Variants in PARD3B observed in about 807,000 individuals in gnomAD.
The protein encoded by PARD3B is partitioning defective 3 homolog B.
Under a neutral mutation model 130.2 loss-of-function variants are expected in PARD3B, and 103 were observed. That is an observed-to-expected ratio of 0.79 (90% confidence interval 0.67 to 0.93). PARD3B has a LOEUF of 0.93. PARD3B is among the 40% of genes least tolerant of loss of function. PARD3B has a pLI of 0.00. For missense variants in PARD3B, 1,609 were observed against 1,499.2 expected (o/e 1.07, Z -1.21); for synonymous variants, 583 against 553.2 (o/e 1.05, Z -0.76).
chr2:205,347,590 G>A (rs2043840738), intron 18 of PARD3B, among the ~76,000 whole-genome samples: 1 of 152,116 alleles, frequency 6.6e-6, no homozygotes, highest in Admixed American at 6.5e-5. Flanking sequence ...AAGAATCCTA[G>A]GATACTTTAC....
At position 205,125,543 on chromosome 2, in the gene PARD3B, C is replaced by T; in HGVS notation, c.1306-66C>T. 1 of 1,532,826 alleles carries T rather than the reference C, an allele frequency of 6.5e-7. No homozygotes were observed. 95.0% of individuals were successfully genotyped at this position (1,532,826 alleles called of 1,614,324 possible). A position where few individuals can be genotyped will look rare whatever the true frequency, so the allele number is the denominator to read the frequency against. ...CCCATTTGCTTCTTGTTTTCAAAAA[C>T]TATCTAGTGTAGAAGGAGATAACAA... On this transcript the variant is annotated intron_variant, in intron 9 of 22. Coordinates refer to ENST00000406610, the MANE Select transcript of PARD3B (RefSeq NM_001302769.2). The surrounding 1 kb of genome is among the most constrained non-coding windows in gnomAD (Gnocchi z 4.0).
chr2:204,939,571 A>G (rs764878982), intron 2 of PARD3B, among the ~76,000 whole-genome samples: 5 of 152,192 alleles, frequency 3.3e-5, no homozygotes, highest in Non-Finnish European at 7.4e-5. Flanking sequence ...TGGTATTTAG[A>G]AAATTAACTT....
At chr2:204,961,677 G>A (rs866313835) in intron 2 of PARD3B, among the ~76,000 whole-genome samples, 11 of 152,070 alleles carry the variant, frequency 7.2e-5, no homozygotes, top group Non-Finnish European at 5.9e-5. Context: ...GGAAGATGAC[G>A]AAGAAAAACC....
rs542555384 is a variant in PARD3B at position 205,078,156 on chromosome 2, T to C, written c.505-26270T>C. ...TTAAGAGTGAGATATAGTTTATTTA[T>C]GAAAAGGTGCTTTTGTGTGGTTAAA... On this transcript the variant is annotated intron_variant, in intron 4 of 22. Transcript: ENST00000406610. The surrounding 1 kb of genome is among the most constrained non-coding windows in gnomAD (Gnocchi z 4.0). Among the ~76,000 whole-genome samples the C allele has an allele frequency of 6.6e-6, 1 of 152,344 alleles. No homozygotes were observed. Among genetic ancestry groups the C allele is most frequent in the Non-Finnish European group, 1.5e-5 (1 of 68,020 alleles).
At chr2:205,505,516 G>C (rs1196069181) in intron 21 of PARD3B, among the ~76,000 whole-genome samples, 1 of 152,146 alleles carries the variant, frequency 6.6e-6, no homozygotes, top group African/African-American at 2.4e-5. Context: ...GCTCTGAAAA[G>C]CTGTAAAGAA....
intron 3 of PARD3B, among the ~76,000 whole-genome samples, chr2:204,994,770 T>G (rs1463052955): frequency 6.9e-6 from 1 of 145,442 alleles, no homozygotes; most frequent in Non-Finnish European, 1.5e-5. Flanking sequence ...GCTCCTGTAT[T>G]GGGTGCATAA....
chr2:204,825,351 G>A (rs1287884503), intron 2 of PARD3B, among the ~76,000 whole-genome samples: 1 of 152,174 alleles, frequency 6.6e-6, no homozygotes, highest in Non-Finnish European at 1.5e-5. Flanking sequence ...GGTAGAATTG[G>A]GAAGCACACA....
chr2:204,663,910 G>T (rs2035920951), intron 1 of PARD3B, among the ~76,000 whole-genome samples: 1 of 152,176 alleles, frequency 6.6e-6, no homozygotes, highest in Non-Finnish European at 1.5e-5. Context: ...GGTGTTTTTG[G>T]CATGTGTGCA....
chr2:204,676,983 G>T (rs1332452650), intron 1 of PARD3B, among the ~76,000 whole-genome samples: 1 of 151,998 alleles, frequency 6.6e-6, no homozygotes, highest in Non-Finnish European at 1.5e-5. Context: ...TGTTCTTTTT[G>T]AAGGATCTTT....
At chr2:204,883,451 A>T (rs868599984) in intron 2 of PARD3B, among the ~76,000 whole-genome samples, 5,671 of 106,358 alleles carry the variant, frequency 0.053, 268 homozygotes, top group Middle Eastern at 0.094. Context: ...ATATATATAT[A>T]TATATTTTTT....
At chr2:205,503,445 C>T (rs957906189) in intron 21 of PARD3B, among the ~76,000 whole-genome samples, 1 of 151,336 alleles carries the variant, frequency 6.6e-6, no homozygotes, top group Non-Finnish European at 1.5e-5. Flanking sequence ...ATTTTTTTCC[C>T]CTTTTGCAAA....
At chr2:204,993,873 G>T (rs1170380381) in intron 3 of PARD3B, among the ~76,000 whole-genome samples, 1 of 151,740 alleles carries the variant, frequency 6.6e-6, no homozygotes, top group African/African-American at 2.4e-5. Flanking sequence ...GCGTAGAGGT[G>T]TTTGTAGTAT....
At chr2:205,401,410 T>C (rs1210351562) in intron 19 of PARD3B, among the ~76,000 whole-genome samples, 5 of 152,206 alleles carry the variant, frequency 3.3e-5, no homozygotes, top group Non-Finnish European at 5.9e-5. Flanking sequence ...TCTTTTTTTT[T>C]CCAAAGAAAG....
intron 3 of PARD3B, among the ~76,000 whole-genome samples, chr2:204,983,353 G>C (rs6717826): frequency 6.6e-6 from 1 of 150,426 alleles, no homozygotes; most frequent in Non-Finnish European, 1.5e-5. Flanking sequence ...GGTTCCAACC[G>C]AGGCTTTAAT....
intron 2 of PARD3B, among the ~76,000 whole-genome samples, chr2:204,950,197 C>T (rs1335903302): frequency 6.6e-6 from 1 of 152,096 alleles, no homozygotes; most frequent in Non-Finnish European, 1.5e-5. Context: ...ACCTAACCTG[C>T]CCCCCTCCCC....
At chr2:204,937,791 C>A (rs753220934) in intron 2 of PARD3B, among the ~76,000 whole-genome samples, 4 of 152,088 alleles carry the variant, frequency 2.6e-5, no homozygotes, top group Non-Finnish European at 5.9e-5. Context: ...ATACTCTAGG[C>A]AATTTTATAA....
At chr2:204,711,378 C>T (rs1217979315) in intron 2 of PARD3B, among the ~76,000 whole-genome samples, 1 of 152,028 alleles carries the variant, frequency 6.6e-6, no homozygotes, top group Non-Finnish European at 1.5e-5. Flanking sequence ...ATGTAAATTA[C>T]ATATTAAATG....
chr2:205,344,940 C>T (rs576472357), intron 18 of PARD3B, among the ~76,000 whole-genome samples: 1 of 152,264 alleles, frequency 6.6e-6, no homozygotes, highest in South Asian at 2.1e-4. Flanking sequence ...CCCTTCATAG[C>T]ATTTAACTTT....
At chr2:204,885,273 C>T (rs892200366) in intron 2 of PARD3B, among the ~76,000 whole-genome samples, 9 of 152,122 alleles carry the variant, frequency 5.9e-5, no homozygotes, top group African/African-American at 2.2e-4. Flanking sequence ...TCATGTATAT[C>T]TTCTTTTGAA....
Sources: allele counts gnomAD v4.1 joint callset (sites outside exome capture counted in the v4.1 genomes callset), GRCh38; gene constraint gnomAD v4.1.1; non-coding constraint Gnocchi (gnomAD v3.1); transcripts MANE v1.5; gene names NCBI Gene and HGNC (gene_info 2026-07-23, HGNC 2026-07-21).